The following FAM184B variants were observed in gnomAD, a reference collection of about 807,000 sequenced individuals.
FAM184B encodes the protein protein FAM184B.
A neutral mutation model predicts 135.9 loss-of-function variants in FAM184B; 111 were observed. The observed-to-expected ratio is 0.82, with a 90% CI of 0.70 to 0.96. The LOEUF (loss-of-function observed/expected upper bound fraction) is 0.96. FAM184B is among the 40% of genes least tolerant of loss of function. The pLI, the probability that FAM184B is intolerant of heterozygous loss-of-function variation, is 0.00. For missense variants in FAM184B, 1,375 were observed against 1,323.9 expected (o/e 1.04, Z -0.60); for synonymous variants, 552 against 524.8 (o/e 1.05, Z -0.71).
At chr4:17,731,273 C>T (rs905271831) in intron 1 of FAM184B, among the ~76,000 whole-genome samples, 7 of 152,076 alleles carry the variant, frequency 4.6e-5, no homozygotes, top group South Asian at 2.1e-4. Flanking sequence ...CATCAACTAA[C>T]GAGCAAAATA....
intron 2 of FAM184B, 96 bp downstream of exon 2, chr4:17,708,796 C>G (rs1450265002): frequency 1.5e-6 from 2 of 1,353,804 alleles, no homozygotes; most frequent in African/African-American, 3.0e-5. Flanking sequence ...CCGTAGAAGG[C>G]AAGTGCTTAG....
chr4:17,643,033 G>C (rs577511046), intron 12 of FAM184B, among the ~76,000 whole-genome samples: 14 of 152,338 alleles, frequency 9.2e-5, no homozygotes, highest in African/African-American at 3.1e-4. Context: ...TCCTGCTCTG[G>C]GGTTGGCATG....
At chr4:17,721,282 G>A (rs1020903197) in intron 1 of FAM184B, among the ~76,000 whole-genome samples, 54 of 149,444 alleles carry the variant, frequency 3.6e-4, no homozygotes, top group South Asian at 1.7e-3. Flanking sequence ...TACTCAGGAG[G>A]CTGAGGCAGG....
chr4:17,735,859 C>T (rs1717896493), intron 1 of FAM184B, among the ~76,000 whole-genome samples: 1 of 152,176 alleles, frequency 6.6e-6, no homozygotes, highest in Non-Finnish European at 1.5e-5. Flanking sequence ...CCAAACTCAT[C>T]CTGTGGCCAA....
intron 10 of FAM184B, among the ~76,000 whole-genome samples, chr4:17,657,950 C>A (rs1202573755): frequency 6.6e-6 from 1 of 152,192 alleles, no homozygotes; most frequent in Non-Finnish European, 1.5e-5. Context: ...AGCCACTGCA[C>A]CCGGCCTGAG....
intron 10 of FAM184B, among the ~76,000 whole-genome samples, chr4:17,657,189 C>G (rs1228789631): frequency 6.6e-6 from 1 of 152,250 alleles, no homozygotes; most frequent in East Asian, 1.9e-4. Flanking sequence ...TTTCCTTTGG[C>G]TATCTGGCAA....
At chr4:17,682,440 A>C (rs1459435140) in intron 7 of FAM184B, among the ~76,000 whole-genome samples, 1 of 151,954 alleles carries the variant, frequency 6.6e-6, no homozygotes, top group Admixed American at 6.6e-5. Flanking sequence ...GCCTGATCTC[A>C]GTTGACATTA....
intron 5 of FAM184B, among the ~76,000 whole-genome samples, chr4:17,704,470 C>T (rs932067997): frequency 6.6e-6 from 1 of 152,134 alleles, no homozygotes; most frequent in Non-Finnish European, 1.5e-5. Flanking sequence ...TGTGTCTTCA[C>T]GTGGTTCCTC....
intron 1 of FAM184B, among the ~76,000 whole-genome samples, chr4:17,722,064 G>A (rs920013547): frequency 1.3e-5 from 2 of 152,238 alleles, no homozygotes; most frequent in African/African-American, 2.4e-5. Context: ...TGTCCAGGAG[G>A]AGGAGTGGCA....
intron 1 of FAM184B, among the ~76,000 whole-genome samples, chr4:17,711,460 AC>A: frequency 1.3e-5 from 2 of 152,212 alleles, no homozygotes; most frequent in African/African-American, 4.8e-5. Flanking sequence ...CTTGGCCAAT[AC>A]AGCAAGACTC....
At chr4:17,747,754 T>C (rs966602047) in intron 1 of FAM184B, among the ~76,000 whole-genome samples, 1 of 151,534 alleles carries the variant, frequency 6.6e-6, no homozygotes, top group African/African-American at 2.4e-5. Flanking sequence ...ACCCCGTCTC[T>C]ACTAAAAATA....
At chr4:17,672,201 A>G (rs1412504051) in intron 7 of FAM184B, among the ~76,000 whole-genome samples, 8 of 152,060 alleles carry the variant, frequency 5.3e-5, no homozygotes, top group African/African-American at 1.9e-4. Context: ...GACAATGAAC[A>G]TTTTCCAGCA....
chr4:17,646,576 G>A (rs1442908750), intron 12 of FAM184B, among the ~76,000 whole-genome samples: 1 of 151,760 alleles, frequency 6.6e-6, no homozygotes, highest in Non-Finnish European at 1.5e-5. Context: ...ACCGGGGACT[G>A]TTGTGGGGTG....
At chr4:17,742,159 TATATA>T (rs1346526098) in intron 1 of FAM184B, among the ~76,000 whole-genome samples, 21 of 114,684 alleles carry the variant, frequency 1.8e-4, no homozygotes, top group African/African-American at 5.4e-4. Flanking sequence ...TATATATATA[TATATA>T]TATATTTTTT....
chr4:17,673,267 G>T (rs1011669153), intron 7 of FAM184B, among the ~76,000 whole-genome samples: 1 of 151,918 alleles, frequency 6.6e-6, no homozygotes, highest in African/African-American at 2.4e-5. Flanking sequence ...TAAAAAAATA[G>T]ATATTGGTAT....
At chr4:17,730,952 G>A (rs994855767) in intron 1 of FAM184B, among the ~76,000 whole-genome samples, 12 of 152,172 alleles carry the variant, frequency 7.9e-5, no homozygotes, top group African/African-American at 2.9e-4. Context: ...AGAAGCCCCA[G>A]GAGCCAATGT....
chr4:17,764,530 T>A (rs1718615316), intron 1 of FAM184B, among the ~76,000 whole-genome samples: 1 of 152,210 alleles, frequency 6.6e-6, no homozygotes, highest in African/African-American at 2.4e-5. Context: ...TGTCTCTTAC[T>A]AGCACCCACT....
chr4:17,662,572 A>G (rs1220261919), intron 8 of FAM184B, among the ~76,000 whole-genome samples: 1 of 152,188 alleles, frequency 6.6e-6, no homozygotes, highest in East Asian at 1.9e-4. Context: ...TCCTGTCCTC[A>G]GGTGATCCAC....
chr4:17,636,842 A>C (rs1388770852), intron 14 of FAM184B, among the ~76,000 whole-genome samples, 197 bp from the exon 15 acceptor site: 1 of 152,124 alleles, frequency 6.6e-6, no homozygotes, highest in African/African-American at 2.4e-5. Flanking sequence ...AGGTCCCCTG[A>C]GGCTGCAGGG....
Sources: allele counts gnomAD v4.1 joint callset (sites outside exome capture counted in the v4.1 genomes callset), GRCh38; gene constraint gnomAD v4.1.1; transcripts MANE v1.5; gene names NCBI Gene and HGNC (gene_info 2026-07-23, HGNC 2026-07-21).